PTPRD: variants seen among roughly 807,000 people sequenced by gnomAD.
PTPRD encodes the protein receptor-type tyrosine-protein phosphatase delta.
In PTPRD, 34 loss-of-function variants were observed where a neutral mutation model predicts 214.5. That is an observed-to-expected ratio of 0.16 (90% CI 0.12 to 0.21). The LOEUF (loss-of-function observed/expected upper bound fraction) is 0.21. PTPRD is among the 10% of genes least tolerant of loss of function. The probability of loss-of-function intolerance (pLI) is 1.00; values close to 1 mark genes in which losing one functional copy is unlikely to be tolerated. For missense variants in PTPRD, 2,545 were observed against 2,398.7 expected (o/e 1.06, Z -1.27); for synonymous variants, 1,128 against 845.7 (o/e 1.33, Z -5.79).
chr9:9,283,840 TC>T, intron 9 of PTPRD, among the ~76,000 whole-genome samples: 1 of 151,716 alleles, frequency 6.6e-6, no homozygotes, highest in Admixed American at 6.6e-5. Context: ...ACTGAATAAT[TC>T]TGAGTACCTC....
chr9:9,848,123 C>T (rs1263371938), intron 5 of PTPRD, among the ~76,000 whole-genome samples: 1 of 152,126 alleles, frequency 6.6e-6, no homozygotes, highest in Non-Finnish European at 1.5e-5. Context: ...CTCTAAACAG[C>T]TGTAACACGC....
chr9:8,724,981 A>C (rs2098542122), intron 12 of PTPRD, among the ~76,000 whole-genome samples: 2 of 152,092 alleles, frequency 1.3e-5, no homozygotes, highest in Non-Finnish European at 2.9e-5. Flanking sequence ...GCATGTAAAA[A>C]CTGGTAAAAT....
chr9:10,146,043 A>C (rs2099020128), intron 3 of PTPRD, among the ~76,000 whole-genome samples: 1 of 151,966 alleles, frequency 6.6e-6, no homozygotes, highest in Admixed American at 6.6e-5. Context: ...AAAAGTATGC[A>C]GATGTAATAT....
At chr9:10,510,813 G>A (rs762103782) in intron 2 of PTPRD, among the ~76,000 whole-genome samples, 14 of 151,958 alleles carry the variant, frequency 9.2e-5, no homozygotes, top group South Asian at 4.2e-4. Context: ...TTACCTAACC[G>A]CATTTTTGTA....
chr9:10,106,284 G>C (rs1042210642), intron 3 of PTPRD, among the ~76,000 whole-genome samples: 1 of 151,808 alleles, frequency 6.6e-6, no homozygotes, highest in East Asian at 1.9e-4. Flanking sequence ...TGATGTCAAA[G>C]ATAATCCACA....
chr9:8,999,103 A>G (rs1358657414), intron 11 of PTPRD, among the ~76,000 whole-genome samples: 1 of 152,078 alleles, frequency 6.6e-6, no homozygotes, highest in African/African-American at 2.4e-5. Context: ...GAAATGAAAG[A>G]AAGGATTTAT....
intron 9 of PTPRD, among the ~76,000 whole-genome samples, chr9:9,228,314 T>A (rs1325485704): frequency 6.6e-6 from 1 of 152,108 alleles, no homozygotes; most frequent in Non-Finnish European, 1.5e-5. Context: ...CCAGATGGAA[T>A]AAGAAATGTT....
intron 9 of PTPRD, among the ~76,000 whole-genome samples, chr9:9,319,924 T>C (rs1965565230): frequency 6.6e-6 from 1 of 152,164 alleles, no homozygotes; most frequent in African/African-American, 2.4e-5. Flanking sequence ...TAAAGTCCTT[T>C]TTTAACAATA....
At chr9:9,646,049 C>T (rs937173278) in intron 7 of PTPRD, among the ~76,000 whole-genome samples, 2 of 152,120 alleles carry the variant, frequency 1.3e-5, no homozygotes, top group East Asian at 3.9e-4. Context: ...GAATACAATT[C>T]ATGTTTATTT....
At chr9:9,906,316 T>C (rs2077554196) in intron 5 of PTPRD, among the ~76,000 whole-genome samples, 1 of 152,012 alleles carries the variant, frequency 6.6e-6, no homozygotes, top group African/African-American at 2.4e-5. Flanking sequence ...ACGTATGTGA[T>C]ACAGCTCTAG....
chr9:8,919,527 T>C (rs1416222457), intron 11 of PTPRD, among the ~76,000 whole-genome samples: 9 of 152,330 alleles, frequency 5.9e-5, no homozygotes, highest in Non-Finnish European at 1.3e-4. Flanking sequence ...TTCTAAAAAT[T>C]AGCTTAGCAA....
chr9:9,873,356 T>G (rs1161309219), intron 5 of PTPRD, among the ~76,000 whole-genome samples: 1 of 152,022 alleles, frequency 6.6e-6, no homozygotes, highest in East Asian at 1.9e-4. Flanking sequence ...TAATTAAGAA[T>G]GAAATAATCC....
chr9:10,227,889 A>G (rs2099594468), intron 3 of PTPRD, among the ~76,000 whole-genome samples: 2 of 152,084 alleles, frequency 1.3e-5, no homozygotes, highest in South Asian at 4.1e-4. Context: ...GAGGACTCGC[A>G]AGACATTTCC....
intron 5 of PTPRD, among the ~76,000 whole-genome samples, chr9:9,863,504 G>A (rs1458533021): frequency 6.6e-6 from 1 of 152,054 alleles, no homozygotes; most frequent in Non-Finnish European, 1.5e-5. Flanking sequence ...AAACAATTTG[G>A]GGGAATTGAT....
At chr9:8,486,505 G>A (rs1240834417) in intron 27 of PTPRD, 156 bp from the exon 28 acceptor site, 4 of 756,130 alleles carry the variant, frequency 5.3e-6, no homozygotes, top group Non-Finnish European at 9.6e-6. Context: ...TACCTTTGTG[G>A]AAATATGCTC....
chr9:9,238,471 T>C (rs2099968423), intron 9 of PTPRD, among the ~76,000 whole-genome samples: 2 of 152,132 alleles, frequency 1.3e-5, no homozygotes, highest in Admixed American at 6.6e-5. Flanking sequence ...TCTTGTGTAC[T>C]TAAGTGAGGA....
intron 2 of PTPRD, among the ~76,000 whole-genome samples, chr9:10,479,834 A>AC (rs1240234517): frequency 6.6e-6 from 1 of 151,770 alleles, no homozygotes; most frequent in African/African-American, 2.4e-5. Context: ...AAAAGAACAA[A>AC]CCGCGGAGCT....
chr9:8,496,761 T>C (rs1389452779), intron 26 of PTPRD, among the ~76,000 whole-genome samples: 1 of 152,228 alleles, frequency 6.6e-6, no homozygotes, highest in Admixed American at 6.5e-5. Context: ...CAGTCTGCAA[T>C]GCCTTCATTT....
In PTPRD at chr9:10,431,420, A is replaced by T. The variant is rs547650689; in HGVS notation, c.-599-90403T>A. Among the ~76,000 whole-genome samples the T allele has an allele frequency of 9.2e-5, 14 of 152,090 alleles. No individual in the cohort carries two copies. In the East Asian group the frequency reaches 2.7e-3, roughly 30 times the overall value. ...ACACCAAAAGCAATGGCAACAAAAG[A>T]CAAAATTGACAAGTGGGATCTAATG... On this transcript the variant is annotated intron_variant, in intron 2 of 45. Transcript: ENST00000381196.
Sources: gnomAD v4.1 joint callset for allele counts (sites outside exome capture counted in the v4.1 genomes callset) on GRCh38, gnomAD v4.1.1 for gene constraint, MANE v1.5 for transcripts, NCBI Gene and HGNC (gene_info 2026-07-23, HGNC 2026-07-21) for gene names.